PRPSAP1: variants seen among roughly 807,000 people sequenced by gnomAD.
PRPSAP1 encodes phosphoribosyl pyrophosphate synthase-associated protein 1.
In PRPSAP1, 31 loss-of-function variants were observed where a neutral mutation model predicts 39.4. The ratio of observed to expected loss-of-function variants is 0.79; its 90% CI spans 0.59 to 1.06. The LOEUF is 1.06. PRPSAP1 is among the 50% of genes least tolerant of loss of function. The pLI is 0.00. For synonymous variants in PRPSAP1, 212 were observed against 192.6 expected (o/e 1.10, Z -0.83); for missense variants, 430 against 511.6 (o/e 0.84, Z 1.54).
chr17:76,344,872 A>G, intron 2 of PRPSAP1, 135 bp from the exon 3 acceptor site: 1 of 599,104 alleles, frequency 1.7e-6, no homozygotes, highest in Non-Finnish European at 2.9e-6. Context: ...GGGCTGAGGA[A>G]AGCAGATCAC....
intron 7 of PRPSAP1, among the ~76,000 whole-genome samples, chr17:76,315,861 C>T (rs8073728): frequency 0.14 from 20,641 of 151,216 alleles, 1,481 homozygotes; most frequent in South Asian, 0.2. Flanking sequence ...ATTACAGGCA[C>T]GTGCCACCAC....
chr17:76,339,494 C>G (rs979656932), intron 3 of PRPSAP1, among the ~76,000 whole-genome samples: 1 of 151,824 alleles, frequency 6.6e-6, no homozygotes, highest in Non-Finnish European at 1.5e-5. Context: ...CACATCCAAC[C>G]TGTCTTTTTT....
chr17:76,313,435 T>C (rs1451556002), intron 8 of PRPSAP1: 2 of 244,940 alleles, frequency 8.2e-6, no homozygotes, highest in Middle Eastern at 1.3e-3. Flanking sequence ...GGAAAAAAAG[T>C]ATGTCAACAT....
At chr17:76,349,558 C>G (rs147453641) in intron 1 of PRPSAP1, among the ~76,000 whole-genome samples, 1 of 151,764 alleles carries the variant, frequency 6.6e-6, no homozygotes, top group African/African-American at 2.4e-5. Context: ...GTCAGGAGTT[C>G]GAGACCAGCC....
At chr17:76,314,931 C>T (rs1037037261) in intron 7 of PRPSAP1, among the ~76,000 whole-genome samples, 3 of 152,198 alleles carry the variant, frequency 2.0e-5, no homozygotes, top group African/African-American at 7.2e-5. Context: ...CTGCAGAAAG[C>T]GAAACAGCGA....
chr17:76,340,316 A>T (rs2071422086), intron 3 of PRPSAP1, among the ~76,000 whole-genome samples: 1 of 151,750 alleles, frequency 6.6e-6, no homozygotes. Context: ...TCAAGATACA[A>T]GTGAGAAAAA....
chr17:76,328,917 T>C, intron 6 of PRPSAP1, 55 bp from the exon 7 acceptor site: 1 of 1,528,936 alleles, frequency 6.5e-7, no homozygotes, highest in Non-Finnish European at 8.9e-7. Flanking sequence ...CACGCATCAC[T>C]ACGGCATCAT....
intron 5 of PRPSAP1, 82 bp from the exon 6 acceptor site, chr17:76,330,180 T>TA (rs1285464829): frequency 1.6e-6 from 2 of 1,268,078 alleles, no homozygotes; most frequent in Non-Finnish European, 2.3e-6. Context: ...TTTTCCCTCT[T>TA]ATAATGATCC....
rs763775484 is a variant in PRPSAP1, at chr17:76,309,591, C to T, written c.*1951G>A. The stretch of plus-strand genomic sequence containing the variant: ...TGTGCCATGCATGGCCAGCCTCCTC[C>T]GTGAGCTCTGCATCTGCAGATTTAA... On this transcript the variant is annotated 3_prime_UTR_variant, in exon 10 of 10. Transcript: ENST00000446526. 1.3e-5 allele frequency: 2 copies of T among 152,226 alleles called. No homozygotes were observed. The highest frequency in any genetic ancestry group is 2.9e-5 in the Non-Finnish European group (2 of 68,052). 9.4% of individuals were successfully genotyped at this position (152,226 alleles called of 1,614,324 possible).
intron 1 of PRPSAP1, 83 bp downstream of exon 1, chr17:76,353,451 G>A: frequency 4.6e-6 from 6 of 1,313,832 alleles, no homozygotes; most frequent in Non-Finnish European, 6.0e-6. Context: ...AGGTGGGGCG[G>A]GTGGAGGGGA....
At chr17:76,351,992 G>C (rs2143560905) in intron 1 of PRPSAP1, among the ~76,000 whole-genome samples, 1 of 151,232 alleles carries the variant, frequency 6.6e-6, no homozygotes, top group South Asian at 2.1e-4. Flanking sequence ...GTTAGAAATA[G>C]AAACTAGGTA....
intron 3 of PRPSAP1, among the ~76,000 whole-genome samples, chr17:76,341,056 T>A (rs2071431687): frequency 6.6e-6 from 1 of 151,974 alleles, no homozygotes; most frequent in African/African-American, 2.4e-5. Context: ...GACTCATAGA[T>A]GATCCCTAAA....
At position 76,353,665 on chromosome 17, in the gene PRPSAP1, C is replaced by A. The variant is rs771847777; in HGVS notation, c.39G>T (p.Ala13=). 254 of 1,523,806 alleles carry A rather than the reference C, an allele frequency of 1.7e-4. 1 individual carries two copies. The highest frequency in any genetic ancestry group is 5.2e-5 in the Non-Finnish European group (59 of 1,140,714). The allele number at this position is 1,523,806 out of a possible 1,614,324, so 94.4% of individuals were successfully genotyped here. The stretch of plus-strand genomic sequence containing the variant: ...CGCGCGGGACGCGGAAAGCCGAGGA[C>A]GCGGAGGGCGGGGGCAACAGCAGCA... ...KKLLLLPPPS[A]SSAFRVPRAR... The change falls in exon 1 of 10, where the codon GCG becomes GCT. Residue 13 remains alanine, a synonymous_variant. Transcript: ENST00000446526.
chr17:76,318,502 CAA>C (rs563519570), intron 7 of PRPSAP1, among the ~76,000 whole-genome samples: 5 of 152,024 alleles, frequency 3.3e-5, no homozygotes, highest in Admixed American at 1.3e-4. Context: ...CTAAAAAATG[CAA>C]AGAGTCCAAG....
At chr17:76,341,019 A>C (rs1051463525) in intron 3 of PRPSAP1, among the ~76,000 whole-genome samples, 2 of 151,930 alleles carry the variant, frequency 1.3e-5, no homozygotes, top group African/African-American at 4.8e-5. Flanking sequence ...TGCCGTGAGA[A>C]GGTTATAACG....
rs2071611161 is a variant in PRPSAP1 at position 76,353,811 on chromosome 17, GC to G, written c.-109del. On this transcript the variant is annotated 5_prime_UTR_variant, in exon 1 of 10. Transcript: ENST00000446526. The stretch of plus-strand genomic sequence containing the variant: ...TGGGGAAGGCGCTGAGAAACTCGGC[GC>G]AAGCGGGGAGAGCTCCGAGGTCCGT... 7.2e-7 allele frequency: 1 copy of G among 1,387,212 alleles called. No homozygotes were observed. The highest frequency in any genetic ancestry group is 9.3e-7 in the Non-Finnish European group (1 of 1,078,922). 85.9% of individuals were successfully genotyped at this position (1,387,212 alleles called of 1,614,324 possible). A position where few individuals can be genotyped will look rare whatever the true frequency, so the allele number is the denominator to read the frequency against.
At position 76,344,671 on chromosome 17, in the gene PRPSAP1, C is replaced by G. The variant is rs755233525; in HGVS notation, c.290G>C (p.Arg97Thr). ...QDIFIIQTIP[R>T]DVNTAVMELL... ...GAGATAAAGTAGTCAGTCCTCTTAC[C>G]TGGGTATTGTCTGTATAATGAAAAT... Residue 97 changes from arginine to threonine, a missense_variant and splice_region_variant, in exon 3 of 10, where the codon AGA becomes ACA. Physicochemically the swap from Arg to Thr is moderately conservative, Grantham distance 71. Transcript: ENST00000446526. 1.3e-6 allele frequency: 2 copies of G among 1,557,654 alleles called. No homozygotes were observed. The highest frequency in any genetic ancestry group is 2.3e-5 in the South Asian group (2 of 86,100).
At chr17:76,332,702 C>T (rs2071335955) in intron 3 of PRPSAP1, among the ~76,000 whole-genome samples, 1 of 152,136 alleles carries the variant, frequency 6.6e-6, no homozygotes, top group Non-Finnish European at 1.5e-5. Context: ...GTGTCATACC[C>T]CGTTACTGCA....
chr17:76,312,220 C>A (rs1334159296), intron 9 of PRPSAP1, among the ~76,000 whole-genome samples: 6 of 152,170 alleles, frequency 3.9e-5, no homozygotes, highest in African/African-American at 1.4e-4. Context: ...GCAGGTGGAT[C>A]ACCTGAGGTC....
Sources: allele counts gnomAD v4.1 joint callset (sites outside exome capture counted in the v4.1 genomes callset), GRCh38; gene constraint gnomAD v4.1.1; transcripts MANE v1.5; gene names NCBI Gene and HGNC (gene_info 2026-07-23, HGNC 2026-07-21).